MAPK8: variants seen among roughly 807,000 people sequenced by gnomAD.
MAPK8 encodes JUN N-terminal kinase.
Under a neutral mutation model 52.9 loss-of-function variants are expected in MAPK8, and 13 were observed. That is an observed-to-expected ratio of 0.25 (90% CI 0.16 to 0.39). The LOEUF (loss-of-function observed/expected upper bound fraction) is 0.39. Among genes scored for constraint, MAPK8 ranks in the 10% least tolerant of loss-of-function variants. MAPK8 has a pLI of 1.00. For synonymous variants in MAPK8, 191 were observed against 169.8 expected (o/e 1.12, Z -0.97); for missense variants, 300 against 519.2 (o/e 0.58, Z 4.10).
intron 1 of MAPK8, among the ~76,000 whole-genome samples, chr10:48,328,666 G>A (rs1843778884): frequency 6.6e-6 from 1 of 152,020 alleles, no homozygotes; most frequent in Admixed American, 6.6e-5. Flanking sequence ...CCTTTTTTTG[G>A]TAGTCAACAA....
chr10:48,426,876 A>T lies in MAPK8; in HGVS notation c.997-204A>T, dbSNP rs2043715872. The T allele has an allele frequency of 3.1e-5, 16 of 516,458 alleles. No homozygotes were observed. In the South Asian group the frequency reaches 3.9e-4, roughly 12 times the overall value. The allele number at this position is 516,458 out of a possible 1,614,324, so 32.0% of individuals were successfully genotyped here. A position where few individuals can be genotyped will look rare whatever the true frequency, so the allele number is the denominator to read the frequency against. ...GCAATTTCAAGAGCTAGAAGAAAAG[A>T]AAAAAGACAGTTAAACATTTTATTT... is the stretch of plus-strand genomic sequence containing the variant. On this transcript the variant is annotated intron_variant, in intron 9 of 11. Transcript: ENST00000374189.
intron 6 of MAPK8, among the ~76,000 whole-genome samples, chr10:48,420,543 A>G (rs1263440823): frequency 1.3e-5 from 2 of 152,168 alleles, no homozygotes; most frequent in Non-Finnish European, 2.9e-5. Flanking sequence ...CATCAGTACT[A>G]CCATTGGATG....
At chr10:48,346,291 TATG>T (rs1224381259) in intron 1 of MAPK8, among the ~76,000 whole-genome samples, 9 of 152,260 alleles carry the variant, frequency 5.9e-5, no homozygotes, top group Admixed American at 2.0e-4. Context: ...ATTCCAATAT[TATG>T]ATAATCCTCA....
Position 48,426,512 on chromosome 10 carries a change from A to G in MAPK8, c.996+8A>G. Reference sequence around the variant, plus strand: ...CCTTCTGAAGCAGAAGCTGTAAGTTATTTTCTTAATGTTTACAGAACATAT... The same window carrying G: ...CCTTCTGAAGCAGAAGCTGTAAGTTGTTTTCTTAATGTTTACAGAACATAT... On this transcript the variant is annotated splice_region_variant and intron_variant, in intron 9 of 11. Coordinates refer to ENST00000374189, the MANE Select transcript of MAPK8 (RefSeq NM_001323329.2). The G allele has an allele frequency of 5.0e-6, 8 of 1,606,240 alleles. No individual in the cohort carries two copies. Among genetic ancestry groups the G allele is most frequent in the Non-Finnish European group, 6.8e-6 (8 of 1,177,206 alleles).
intron 1 of MAPK8, among the ~76,000 whole-genome samples, chr10:48,376,451 A>G (rs11101307): frequency 0.023 from 3,476 of 152,316 alleles, 141 homozygotes; most frequent in African/African-American, 0.08. Flanking sequence ...CAAGCAGCCT[A>G]CAGAATGGGA....
At chr10:48,318,773 T>C (rs1842729227) in intron 1 of MAPK8, among the ~76,000 whole-genome samples, 1 of 152,114 alleles carries the variant, frequency 6.6e-6, no homozygotes, top group Admixed American at 6.5e-5. Flanking sequence ...TGTAAACCAG[T>C]TGTAATGTCC....
At chr10:48,433,787 A>G (rs540618609) in intron 11 of MAPK8, among the ~76,000 whole-genome samples, 189 of 152,338 alleles carry the variant, frequency 1.2e-3, no homozygotes, top group African/African-American at 4.3e-3. Flanking sequence ...TCTCAAATAC[A>G]GATGCTGGGT....
chr10:48,388,634 T>A (rs1431173918), intron 1 of MAPK8, among the ~76,000 whole-genome samples: 9 of 152,224 alleles, frequency 5.9e-5, no homozygotes, highest in Admixed American at 5.9e-4. Flanking sequence ...ACCCACACTC[T>A]TATCTGTTTC....
At chr10:48,316,782 G>C (rs17697837) in intron 1 of MAPK8, among the ~76,000 whole-genome samples, 12,549 of 152,184 alleles carry the variant, frequency 0.082, 623 homozygotes, top group Non-Finnish European at 0.11. Flanking sequence ...GCTTAATGGG[G>C]ATTAAATAGT....
At chr10:48,364,806 C>A (rs1013316341) in intron 1 of MAPK8, among the ~76,000 whole-genome samples, 1 of 152,090 alleles carries the variant, frequency 6.6e-6, no homozygotes, top group Non-Finnish European at 1.5e-5. Context: ...AAACTCCAAA[C>A]AAAGGATTGA....
intron 1 of MAPK8, among the ~76,000 whole-genome samples, chr10:48,317,362 A>G (rs1443206342): frequency 2.0e-5 from 3 of 149,052 alleles, no homozygotes; most frequent in Non-Finnish European, 4.5e-5. Context: ...ATGGGGTCTC[A>G]CTGTGTTGCC....
chr10:48,315,149 C>T (rs1005500615), intron 1 of MAPK8, among the ~76,000 whole-genome samples: 1 of 152,134 alleles, frequency 6.6e-6, no homozygotes, highest in African/African-American at 2.4e-5. Context: ...TTTTTTCTGG[C>T]TTCTATCTTG....
chr10:48,328,190 TATTTTTTAGTAGAAA>T (rs1843721185), intron 1 of MAPK8, among the ~76,000 whole-genome samples: 1 of 152,164 alleles, frequency 6.6e-6, no homozygotes, highest in Non-Finnish European at 1.5e-5. Context: ...CTAATTTTTG[TATTTTTTAGTAGAAA>T]TGGGGATTTC....
intron 1 of MAPK8, among the ~76,000 whole-genome samples, chr10:48,365,006 C>T (rs767552989): frequency 8.5e-5 from 13 of 152,074 alleles, no homozygotes; most frequent in Non-Finnish European, 1.3e-4. Context: ...ATTATTTCAT[C>T]AGTTTGAAAA....
At chr10:48,338,181 A>G (rs1284681890) in intron 1 of MAPK8, among the ~76,000 whole-genome samples, 1 of 152,164 alleles carries the variant, frequency 6.6e-6, no homozygotes, top group East Asian at 1.9e-4. Context: ...AGCATCCCTG[A>G]TGAAGATAGA....
intron 10 of MAPK8, among the ~76,000 whole-genome samples, chr10:48,427,652 C>T (rs988600457): frequency 4.8e-4 from 73 of 152,202 alleles, no homozygotes; most frequent in African/African-American, 1.5e-3. Context: ...CCATCACACC[C>T]GGCTAATTTT....
chr10:48,333,404 T>G (rs1198981646), intron 1 of MAPK8, among the ~76,000 whole-genome samples: 5 of 152,224 alleles, frequency 3.3e-5, no homozygotes, highest in Admixed American at 2.6e-4. Context: ...TTTGCACACA[T>G]TTGGGCTACC....
chr10:48,349,337 C>T (rs1846087466), intron 1 of MAPK8, among the ~76,000 whole-genome samples: 1 of 152,212 alleles, frequency 6.6e-6, no homozygotes, highest in African/African-American at 2.4e-5. Flanking sequence ...CTCAGCACCA[C>T]ATCACACTTA....
chr10:48,433,298 C>A (rs529782907), intron 11 of MAPK8, among the ~76,000 whole-genome samples: 2 of 152,222 alleles, frequency 1.3e-5, no homozygotes, highest in Admixed American at 1.3e-4. Flanking sequence ...AAATAATAGA[C>A]CCTGAACTAG....
Sources: gnomAD v4.1 joint callset for allele counts (sites outside exome capture counted in the v4.1 genomes callset) on GRCh38, gnomAD v4.1.1 for gene constraint, MANE v1.5 for transcripts, NCBI Gene and HGNC (gene_info 2026-07-23, HGNC 2026-07-21) for gene names.